Variants in NALCN observed in about 807,000 individuals in gnomAD.
NALCN encodes sodium leak channel, non-selective.
A neutral mutation model predicts 225.3 loss-of-function variants in NALCN; 111 were observed. The observed-to-expected ratio is 0.49, with a 90% CI of 0.42 to 0.58. The LOEUF (loss-of-function observed/expected upper bound fraction) is 0.58, where lower values mean the gene tolerates loss of function less well. NALCN is among the 20% of genes least tolerant of loss of function. NALCN has a pLI of 0.00. For missense variants in NALCN, 1,378 were observed against 2,202.4 expected, an observed-to-expected ratio of 0.63 and a Z score of 7.49; for synonymous variants, 764 against 769.0, an observed-to-expected ratio of 0.99 and a Z score of 0.11.
At chr13:101,357,900 A>T (rs548259806) in intron 6 of NALCN, among the ~76,000 whole-genome samples, 1 of 152,308 alleles carries the variant, frequency 6.6e-6, no homozygotes, top group South Asian at 2.1e-4. Flanking sequence ...CAACCATCTG[A>T]TCTTTGACAA....
chr13:101,378,858 C>A (rs1300643545), intron 3 of NALCN, among the ~76,000 whole-genome samples: 1 of 151,972 alleles, frequency 6.6e-6, no homozygotes, highest in African/African-American at 2.4e-5. Flanking sequence ...AGCAACTTTG[C>A]AGGTAAAATA....
chr13:101,114,646 C>A (rs1032649083), intron 18 of NALCN, among the ~76,000 whole-genome samples: 1 of 152,286 alleles, frequency 6.6e-6, no homozygotes, highest in East Asian at 1.9e-4. Flanking sequence ...CCATTCAAGT[C>A]CAAATGCATG....
At chr13:101,282,623 G>T (rs2043204831) in intron 10 of NALCN, among the ~76,000 whole-genome samples, 1 of 152,108 alleles carries the variant, frequency 6.6e-6, no homozygotes, top group East Asian at 1.9e-4. Flanking sequence ...CATGAGATTT[G>T]CTAGGAGATT....
chr13:101,164,352 C>T (rs1160509084), intron 15 of NALCN, among the ~76,000 whole-genome samples: 2 of 152,096 alleles, frequency 1.3e-5, no homozygotes, highest in Non-Finnish European at 2.9e-5. Flanking sequence ...AATGCAGTGG[C>T]ACAATCACAG....
chr13:101,304,758 C>CTTTTCTTTT (rs2044096465), intron 7 of NALCN, among the ~76,000 whole-genome samples: 1 of 122,814 alleles, frequency 8.1e-6, no homozygotes, highest in African/African-American at 3.2e-5. Flanking sequence ...TTTTTCTTTT[C>CTTTTCTTTT]TTTTTTTTTT....
intron 11 of NALCN, among the ~76,000 whole-genome samples, chr13:101,241,283 T>C (rs1289438892): frequency 6.6e-6 from 1 of 152,206 alleles, no homozygotes; most frequent in Admixed American, 6.5e-5. Context: ...AAGAATTGGT[T>C]CTTCCAGGGA....
At chr13:101,123,523 G>C (rs1258285214) in intron 18 of NALCN, among the ~76,000 whole-genome samples, 2 of 152,142 alleles carry the variant, frequency 1.3e-5, no homozygotes, top group African/African-American at 2.4e-5. Flanking sequence ...TTGGGGCGCA[G>C]GTTGTCTATT....
At chr13:101,382,333 A>G (rs2046873672) in intron 3 of NALCN, among the ~76,000 whole-genome samples, 1 of 151,866 alleles carries the variant, frequency 6.6e-6, no homozygotes, top group East Asian at 1.9e-4. Flanking sequence ...CAGGAGCCAA[A>G]GGTGGAGGAG....
intron 15 of NALCN, among the ~76,000 whole-genome samples, chr13:101,151,654 A>G (rs112087450): frequency 3.3e-5 from 5 of 152,282 alleles, no homozygotes; most frequent in African/African-American, 1.2e-4. Flanking sequence ...GGCTTTAGCT[A>G]TTTTTTCTGT....
At chr13:101,232,640 G>T (rs895788032) in intron 12 of NALCN, among the ~76,000 whole-genome samples, 2 of 151,776 alleles carry the variant, frequency 1.3e-5, no homozygotes, top group Non-Finnish European at 2.9e-5. Context: ...TAGAGACGGG[G>T]TTTCACCATG....
rs771531599 is a variant in NALCN, at chr13:101,060,275, G to GTTTTTTTTTTTT, written c.4756-320_4756-309dup. Among the ~76,000 whole-genome samples the GTTTTTTTTTTTT allele has an allele frequency of 2.0e-3, 163 of 79,818 alleles. 29 individuals are homozygous for GTTTTTTTTTTTT. The highest frequency in any genetic ancestry group is 0.019 in the East Asian group (43 of 2,286). The allele number at this position is 79,818 out of a possible 152,430, so 52.4% of individuals were successfully genotyped here. A position where few individuals can be genotyped will look rare whatever the true frequency, so the allele number is the denominator to read the frequency against. ...TTTCTTTTTGTTGTTGGTGTTTTCT[G>GTTTTTTTTTTTT]TTTTTTTTTTTTTTTTTTTAGATAG... is the stretch of plus-strand genomic sequence containing the variant. On this transcript the variant is annotated intron_variant, in intron 41 of 43. Transcript: ENST00000251127.
At chr13:101,069,693 A>G (rs1461047809) in intron 37 of NALCN, among the ~76,000 whole-genome samples, 1 of 151,998 alleles carries the variant, frequency 6.6e-6, no homozygotes, top group African/African-American at 2.4e-5. Flanking sequence ...TTTGGAGTCA[A>G]CCCTCTCAAA....
chr13:101,353,684 G>A, intron 6 of NALCN, among the ~76,000 whole-genome samples: 1 of 152,148 alleles, frequency 6.6e-6, no homozygotes, highest in Non-Finnish European at 1.5e-5. Context: ...TAGGAAATAA[G>A]TTGTAAAACT....
chr13:101,398,050 T>C (rs2047366212), intron 2 of NALCN, among the ~76,000 whole-genome samples: 1 of 152,098 alleles, frequency 6.6e-6, no homozygotes, highest in Non-Finnish European at 1.5e-5. Flanking sequence ...AAGTGGACAG[T>C]GTGCTGACAC....
At chr13:101,217,783 C>CT (rs775734762) in intron 13 of NALCN, among the ~76,000 whole-genome samples, 11 of 152,190 alleles carry the variant, frequency 7.2e-5, no homozygotes, top group Non-Finnish European at 1.3e-4. Context: ...CTGATCTACT[C>CT]TGTGTCCAGC....
chr13:101,191,574 G>A (rs180948776), intron 14 of NALCN, among the ~76,000 whole-genome samples: 1 of 152,008 alleles, frequency 6.6e-6, no homozygotes, highest in East Asian at 1.9e-4. Flanking sequence ...CTCTACATGA[G>A]AAAAAAAATA....
Position 101,186,970 on chromosome 13 carries a change from C to T in NALCN, c.1764+4947G>A, listed in dbSNP as rs183046063. On this transcript the variant is annotated intron_variant, in intron 14 of 43. Transcript: ENST00000251127. ...TAAATACAGACCATCAGTGAAAAAC[C>T]GATAGTTTTGACCTAATTTGATCAT... Among the ~76,000 whole-genome samples, 695 of 152,114 alleles carry T rather than the reference C, an allele frequency of 4.6e-3. 2 individuals are homozygous for T. Among genetic ancestry groups the T allele is most frequent in the Middle Eastern group, 0.02 (6 of 294 alleles).
intron 13 of NALCN, among the ~76,000 whole-genome samples, chr13:101,220,682 G>A (rs892746482): frequency 4.6e-5 from 7 of 152,172 alleles, no homozygotes; most frequent in African/African-American, 1.7e-4. Context: ...AGGCAAAATG[G>A]TGCAATTGAG....
At chr13:101,160,027 T>C (rs2038090939) in intron 15 of NALCN, among the ~76,000 whole-genome samples, 1 of 152,198 alleles carries the variant, frequency 6.6e-6, no homozygotes, top group Admixed American at 6.5e-5. Context: ...CGATCTCGGC[T>C]CACTGCAACC....
Sources: gnomAD v4.1 joint callset for allele counts (sites outside exome capture counted in the v4.1 genomes callset) on GRCh38, gnomAD v4.1.1 for gene constraint, MANE v1.5 for transcripts, NCBI Gene and HGNC (gene_info 2026-07-23, HGNC 2026-07-21) for gene names.